ROR1: variants seen among roughly 807,000 people sequenced by gnomAD.
The protein encoded by ROR1 is inactive tyrosine-protein kinase transmembrane receptor ROR1.
In ROR1, 19 loss-of-function variants were observed where a neutral mutation model predicts 78.8. The ratio of observed to expected loss-of-function variants is 0.24; its 90% CI spans 0.17 to 0.35. The LOEUF (loss-of-function observed/expected upper bound fraction) is 0.35. Ranked by LOEUF, ROR1 falls within the 10% of genes least tolerant of loss-of-function variation. The pLI is 1.00. For missense variants in ROR1, 917 were observed against 1,177.8 expected (o/e 0.78, Z 3.24); for synonymous variants, 386 against 433.6 (o/e 0.89, Z 1.36).
At position 63,876,684 on chromosome 1, in the gene ROR1, G is replaced by A. The variant is rs561722012; in HGVS notation, c.91+102176G>A. Among the ~76,000 whole-genome samples, 45 of 72,736 alleles carry A rather than the reference G, an allele frequency of 6.2e-4. No homozygotes were observed. The South Asian group carries it at 0.017, about 28-fold the overall frequency. The allele number at this position is 72,736 out of a possible 152,430, so 47.7% of individuals were successfully genotyped here. ...TGTGTGTGTGTGTGTGTGTGTGTGC[G>A]CGTGTGTGTGTGAGAACATGTGTTT... On this transcript the variant is annotated intron_variant, in intron 1 of 8. Transcript: ENST00000371079.
chr1:64,139,164 CAAA>C (rs755368714), intron 5 of ROR1, among the ~76,000 whole-genome samples: 1 of 20,670 alleles, frequency 4.8e-5, no homozygotes, highest in Admixed American at 4.4e-4. Flanking sequence ...GAGACTGTCT[CAAA>C]AAAAAAAAAA....
At chr1:64,070,467 C>T (rs370142747) in intron 4 of ROR1, among the ~76,000 whole-genome samples, 2 of 152,112 alleles carry the variant, frequency 1.3e-5, no homozygotes, top group East Asian at 3.9e-4. Context: ...AGGCGTGCAC[C>T]ACCACACCCA....
intron 4 of ROR1, among the ~76,000 whole-genome samples, chr1:64,052,236 T>G (rs1035248012): frequency 6.6e-6 from 1 of 151,824 alleles, no homozygotes; most frequent in Non-Finnish European, 1.5e-5. Context: ...TGTGGAATCC[T>G]TTTGAAGTCT....
At chr1:64,112,739 C>T (rs1258699816) in intron 4 of ROR1, among the ~76,000 whole-genome samples, 1 of 152,156 alleles carries the variant, frequency 6.6e-6, no homozygotes, top group Non-Finnish European at 1.5e-5. Context: ...CTTCCTCCTT[C>T]CCTCACCATC....
intron 4 of ROR1, among the ~76,000 whole-genome samples, chr1:64,052,742 T>A (rs1412451614): frequency 6.6e-6 from 1 of 152,222 alleles, no homozygotes; most frequent in African/African-American, 2.4e-5. Flanking sequence ...CATGTTTGCT[T>A]GCAGGGAGTT....
At chr1:63,918,493 C>T (rs1162262748) in intron 1 of ROR1, among the ~76,000 whole-genome samples, 3 of 152,140 alleles carry the variant, frequency 2.0e-5, no homozygotes, top group Non-Finnish European at 2.9e-5. Context: ...AAGAACGGGG[C>T]GTGGTACTCT....
At chr1:63,785,319 T>C (rs1410497784) in intron 1 of ROR1, among the ~76,000 whole-genome samples, 1 of 152,136 alleles carries the variant, frequency 6.6e-6, no homozygotes, top group African/African-American at 2.4e-5. Context: ...TGGACTGTAT[T>C]AGCCTTTCAT....
At chr1:64,129,915 T>C (rs1648851710) in intron 4 of ROR1, among the ~76,000 whole-genome samples, 1 of 152,214 alleles carries the variant, frequency 6.6e-6, no homozygotes, top group Admixed American at 6.5e-5. Context: ...ACCTTCCCTT[T>C]TCTGAGTTGG....
chr1:64,145,734 G>A (rs998670600), intron 7 of ROR1, among the ~76,000 whole-genome samples: 5 of 152,248 alleles, frequency 3.3e-5, no homozygotes, highest in Non-Finnish European at 7.4e-5. Flanking sequence ...CCTAAACCAG[G>A]TAAGGTATGA....
intron 2 of ROR1, among the ~76,000 whole-genome samples, chr1:64,027,349 A>T (rs567448147): frequency 6.6e-6 from 1 of 152,158 alleles, no homozygotes; most frequent in East Asian, 1.9e-4. Flanking sequence ...TTCATTTTGC[A>T]CTTTTTTTCT....
chr1:64,014,713 C>CTATATATATATATATATATATATA lies in ROR1; in HGVS notation c.163+5351_163+5352insTATATATATATATATATATATATA, dbSNP rs112423773. 1.6e-3 allele frequency among the ~76,000 whole-genome samples: 48 copies of CTATATATATATATATATATATATA among 29,310 alleles called. 1 individual carries two copies. Among genetic ancestry groups the CTATATATATATATATATATATATA allele is most frequent in the Non-Finnish European group, 3.3e-3 (38 of 11,366 alleles). The allele number at this position is 29,310 out of a possible 152,430, so 19.2% of individuals were successfully genotyped here. On this transcript the variant is annotated intron_variant, in intron 2 of 8. Transcript: ENST00000371079. Reference sequence around the variant, plus strand: ...GCAAATAGTTCTCTGTGCTGACAGACTATATATATATATACACATACGCAC... The same window carrying CTATATATATATATATATATATATA: ...GCAAATAGTTCTCTGTGCTGACAGACTATATATATATATATATATATATATATATATATATATACACATACGCAC...
At chr1:64,091,057 G>C (rs1465750357) in intron 4 of ROR1, among the ~76,000 whole-genome samples, 1 of 152,168 alleles carries the variant, frequency 6.6e-6, no homozygotes, top group Non-Finnish European at 1.5e-5. Context: ...TAGATGGTTA[G>C]AGGCAGCTAG....
Position 63,852,124 on chromosome 1 carries a change from A to G in ROR1, c.91+77616A>G, listed in dbSNP as rs143546011. Among the ~76,000 whole-genome samples, 997 of 152,342 alleles carry G rather than the reference A, an allele frequency of 6.5e-3. 4 individuals carry two copies. Among genetic ancestry groups the G allele is most frequent in the Middle Eastern group, 0.014 (4 of 292 alleles). On this transcript the variant is annotated intron_variant, in intron 1 of 8. Transcript: ENST00000371079. ...TATATTAAGCATTAAATATACATAT[A>G]TTTTTCAATTCTGGAATAGCTGTGA...
intron 1 of ROR1, among the ~76,000 whole-genome samples, chr1:63,949,130 C>T (rs1387890629): frequency 1.3e-5 from 2 of 152,146 alleles, no homozygotes; most frequent in Non-Finnish European, 2.9e-5. Context: ...GCATCTGAAC[C>T]ATTCCATATA....
intron 6 of ROR1, among the ~76,000 whole-genome samples, chr1:64,141,751 C>T (rs887836932): frequency 1.3e-5 from 2 of 152,114 alleles, no homozygotes; most frequent in African/African-American, 4.8e-5. Flanking sequence ...ATCTAAAATG[C>T]TTAACACATG....
At chr1:64,058,872 T>C (rs1646895130) in intron 4 of ROR1, among the ~76,000 whole-genome samples, 1 of 152,168 alleles carries the variant, frequency 6.6e-6, no homozygotes. Flanking sequence ...AGTATTCCTT[T>C]TTCTTCCATT....
At chr1:64,120,990 G>T (rs1318624703) in intron 4 of ROR1, among the ~76,000 whole-genome samples, 3 of 134,234 alleles carry the variant, frequency 2.2e-5, no homozygotes, top group Non-Finnish European at 4.6e-5. Context: ...AACCTGTAGT[G>T]TTTACCTTGT....
intron 1 of ROR1, among the ~76,000 whole-genome samples, chr1:63,958,664 A>G (rs1240936525): frequency 6.6e-6 from 1 of 152,364 alleles, no homozygotes; most frequent in East Asian, 1.9e-4. Context: ...CAATGCTCAT[A>G]TAGTGGATCT....
At chr1:64,120,323 G>A (rs978040654) in intron 4 of ROR1, among the ~76,000 whole-genome samples, 4 of 152,058 alleles carry the variant, frequency 2.6e-5, no homozygotes, top group Non-Finnish European at 5.9e-5. Context: ...GAATTGCTAC[G>A]GGGAGCCTAA....
Sources: gnomAD v4.1 joint callset for allele counts (sites outside exome capture counted in the v4.1 genomes callset) on GRCh38, gnomAD v4.1.1 for gene constraint, MANE v1.5 for transcripts, NCBI Gene and HGNC (gene_info 2026-07-23, HGNC 2026-07-21) for gene names.